Variants in KIAA1671 observed in about 807,000 individuals in gnomAD.
KIAA1671 encodes the protein uncharacterized protein KIAA1671.
Under a neutral mutation model 131.2 loss-of-function variants are expected in KIAA1671, and 52 were observed. The ratio of observed to expected loss-of-function variants is 0.40; its 90% CI spans 0.32 to 0.50. KIAA1671 has a LOEUF of 0.50. Ranked by LOEUF, KIAA1671 falls within the 20% of genes least tolerant of loss-of-function variation. The probability of loss-of-function intolerance (pLI) is 0.73; values close to 1 mark genes in which losing one functional copy is unlikely to be tolerated. For synonymous variants in KIAA1671, 1,003 were observed against 961.6 expected (o/e 1.04, Z -0.80); for missense variants, 2,360 against 2,364.2 (o/e 1.00, Z 0.04).
At chr22:25,002,397 A>G (rs1432940608) in intron 1 of KIAA1671, among the ~76,000 whole-genome samples, 1 of 152,138 alleles carries the variant, frequency 6.6e-6, no homozygotes, top group Non-Finnish European at 1.5e-5. Flanking sequence ...AGGAAGCTAT[A>G]TACAATGTTA....
At chr22:25,173,664 T>C (rs1933925137) in intron 7 of KIAA1671, among the ~76,000 whole-genome samples, 1 of 152,172 alleles carries the variant, frequency 6.6e-6, no homozygotes, top group South Asian at 2.1e-4. Flanking sequence ...GCAAGACATA[T>C]ATGTAATTTA....
At position 24,952,888 on chromosome 22, in the gene KIAA1671, C is replaced by G. The variant is rs1921483764; in HGVS notation, c.-208+116C>G. ...GAGGGCCGCCAAGTTTCTGCCCGGC[C>G]GAGGCCCCGGGAGAAAAGTTGGCAA... On this transcript the variant is annotated intron_variant, in intron 1 of 12. Transcript: ENST00000358431. The surrounding 1 kb of genome is among the most constrained non-coding windows in gnomAD (Gnocchi z 4.5). 1 of 152,332 alleles carries G rather than the reference C, an allele frequency of 6.6e-6. No homozygotes were observed. The highest frequency in any genetic ancestry group is 6.5e-5 in the Admixed American group (1 of 15,304). 9.4% of individuals were successfully genotyped at this position (152,332 alleles called of 1,614,324 possible). A position where few individuals can be genotyped will look rare whatever the true frequency, so the allele number is the denominator to read the frequency against.
At chr22:25,034,896 C>T (rs1268731674) in intron 4 of KIAA1671, among the ~76,000 whole-genome samples, 9 of 151,204 alleles carry the variant, frequency 6.0e-5, no homozygotes, top group Admixed American at 3.3e-4. Flanking sequence ...CGCCACCACG[C>T]CTGGCTAATT....
At chr22:25,177,928 C>T (rs780058611) in intron 9 of KIAA1671, among the ~76,000 whole-genome samples, 1 of 152,090 alleles carries the variant, frequency 6.6e-6, no homozygotes, top group Non-Finnish European at 1.5e-5. Context: ...TCCGTGCTGA[C>T]CCCTGAGCCC....
chr22:25,143,855 C>A (rs78850917), intron 6 of KIAA1671, among the ~76,000 whole-genome samples: 2,630 of 152,148 alleles, frequency 0.017, 34 homozygotes, highest in Non-Finnish European at 0.027. Flanking sequence ...CCTCTCTGAA[C>A]CTTTGTTGCC....
chr22:25,162,183 T>G (rs899588988), intron 6 of KIAA1671, among the ~76,000 whole-genome samples: 1 of 151,998 alleles, frequency 6.6e-6, no homozygotes, highest in Non-Finnish European at 1.5e-5. Flanking sequence ...CGCTCAGGAG[T>G]GTCAGCCCCT....
chr22:25,160,206 T>C (rs1933387789), intron 6 of KIAA1671, among the ~76,000 whole-genome samples: 1 of 152,134 alleles, frequency 6.6e-6, no homozygotes, highest in African/African-American at 2.4e-5. Context: ...CTTGAGGTCA[T>C]CTAGGGAGTG....
At chr22:25,158,988 T>C (rs1016414048) in intron 6 of KIAA1671, among the ~76,000 whole-genome samples, 1 of 152,174 alleles carries the variant, frequency 6.6e-6, no homozygotes, top group Admixed American at 6.5e-5. Context: ...TCTTAGGTGT[T>C]TGTGGCTGTT....
intron 1 of KIAA1671, among the ~76,000 whole-genome samples, chr22:24,964,158 A>G (rs1481442483): frequency 1.3e-5 from 2 of 151,922 alleles, no homozygotes; most frequent in African/African-American, 2.4e-5. Flanking sequence ...GCAAAACCCT[A>G]TCTCTACTAA....
rs769048824 is a variant in KIAA1671 at position 25,041,135 on chromosome 22, ACAT to A, written c.4009_4011del (p.His1337del). On this transcript the variant is annotated inframe_deletion, in exon 5 of 13. Transcript: ENST00000358431. ...ATGACAGAAAGGCCTTTGCCAGTAA[ACAT>A]CATGTTGCAAAGTGTCAGAATTACC... 6.4e-7 allele frequency: 1 copy of A among 1,550,848 alleles called. No homozygotes were observed. Among genetic ancestry groups the A allele is most frequent in the Non-Finnish European group, 8.7e-7 (1 of 1,146,444 alleles).
In KIAA1671 at chr22:25,029,519, T is replaced by C; in HGVS notation, c.1520T>C (p.Leu507Pro). 1.3e-6 allele frequency: 2 copies of C among 1,545,198 alleles called. No homozygotes were observed. Among genetic ancestry groups the C allele is most frequent in the South Asian group, 1.2e-5 (1 of 83,560 alleles). ...AGGAGGACGTTCCAGGCTCGGCCGC[T>C]GTCGGCGGATTTGACCAAATTGTAA... ...VRRRTFQARP[L>P]SADLTKLFSS... The change falls in exon 3 of 13, where the codon CTG becomes CCG. Residue 507 changes from leucine to proline, a missense_variant. Physicochemically the swap from Leu to Pro is moderately conservative, Grantham distance 98. This residue lies in a region of KIAA1671 where 1,185 missense variants were observed against 1,126.2 expected (regional missense o/e 1.05). Transcript: ENST00000358431.
chr22:25,159,622 G>A (rs1297794726), intron 6 of KIAA1671, among the ~76,000 whole-genome samples: 1 of 152,172 alleles, frequency 6.6e-6, no homozygotes, highest in Non-Finnish European at 1.5e-5. Flanking sequence ...TGCCAGGCAT[G>A]TGCTAGTTCT....
At position 25,032,600 on chromosome 22, in the gene KIAA1671, C is replaced by T; in HGVS notation, c.1542-9C>T. 1.3e-6 allele frequency: 2 copies of T among 1,534,430 alleles called. No homozygotes were observed. Among genetic ancestry groups the T allele is most frequent in the Non-Finnish European group, 1.8e-6 (2 of 1,132,308 alleles). On this transcript the variant is annotated splice_polypyrimidine_tract_variant and intron_variant, in intron 3 of 12. Transcript: ENST00000358431. ...AGCTCCATGAAGGTAACTCAGATCT[C>T]TGTACCAGGTTTTCAAGTTCAGCTT...
chr22:25,183,400 C>A (rs868765376), intron 10 of KIAA1671, among the ~76,000 whole-genome samples: 39 of 151,782 alleles, frequency 2.6e-4, no homozygotes, highest in Admixed American at 6.6e-4. Flanking sequence ...GTCACTAGAA[C>A]TAGGTTAGAG....
intron 6 of KIAA1671, among the ~76,000 whole-genome samples, chr22:25,105,237 G>T (rs1169542801): frequency 6.6e-6 from 1 of 152,026 alleles, no homozygotes; most frequent in African/African-American, 2.4e-5. Context: ...GGCCATGCTG[G>T]TCTCAAACTC....
chr22:25,064,780 T>G (rs939576915), intron 6 of KIAA1671: 1 of 152,206 alleles, frequency 6.6e-6, no homozygotes, highest in African/African-American at 2.4e-5. Flanking sequence ...ATGATTTCAT[T>G]GTGAGCAAGA....
chr22:24,980,747 A>T lies in KIAA1671; in HGVS notation c.-208+27975A>T, dbSNP rs1022360349. On this transcript the variant is annotated intron_variant, in intron 1 of 12. Coordinates refer to ENST00000358431, the MANE Select transcript of KIAA1671 (RefSeq NM_001145206.2). ...ATCCTTGCCAACACTTGTTGTTATTATTATTTTTTTTTTTTTGAGATGGAG... is the reference window on the plus strand; with the variant it reads ...ATCCTTGCCAACACTTGTTGTTATTTTTATTTTTTTTTTTTTGAGATGGAG... 2.6e-5 allele frequency among the ~76,000 whole-genome samples: 4 copies of T among 150,978 alleles called. No individual in the cohort carries two copies. The East Asian group carries it at 7.8e-4, about 29-fold the overall frequency.
rs1007602063 is a variant in KIAA1671, at chr22:25,029,704, G to A, written c.1541+164G>A. 2.6e-4 allele frequency among the ~76,000 whole-genome samples: 40 copies of A among 152,262 alleles called. 2 individuals are homozygous for A. Among genetic ancestry groups the A allele is most frequent in the Admixed American group, 2.4e-3 (36 of 15,286 alleles). On this transcript the variant is annotated intron_variant, in intron 3 of 12. Coordinates refer to ENST00000358431, the MANE Select transcript of KIAA1671 (RefSeq NM_001145206.2). ...ATTTCTCAGATGAGAAAGGTGAGGTGCGGAGAGGCAGTGCAGCTCTCCTCT... is the reference window on the plus strand; with the variant it reads ...ATTTCTCAGATGAGAAAGGTGAGGTACGGAGAGGCAGTGCAGCTCTCCTCT...
At chr22:25,179,206 T>C (rs1256099576) in intron 9 of KIAA1671, 3 of 1,132,768 alleles carry the variant, frequency 2.6e-6, no homozygotes, top group South Asian at 2.7e-5. Flanking sequence ...GGGGCGGGGG[T>C]GGGGGAGGAG....
Sources: gnomAD v4.1 joint callset for allele counts (sites outside exome capture counted in the v4.1 genomes callset) on GRCh38, gnomAD v4.1.1 for gene constraint, gnomAD v4.1.1 regional missense constraint, Gnocchi (gnomAD v3.1) non-coding constraint, MANE v1.5 for transcripts, NCBI Gene and HGNC (gene_info 2026-07-23, HGNC 2026-07-21) for gene names.